Variants in ECT2L observed in about 807,000 individuals in gnomAD.
ECT2L encodes the protein epithelial cell-transforming sequence 2 oncogene-like.
ECT2L carries 126 observed loss-of-function variants against 122.8 expected under a neutral mutation model. The observed-to-expected ratio is 1.03, with a 90% CI of 0.89 to 1.19. ECT2L has a LOEUF of 1.19. Ranked by LOEUF, ECT2L falls within the 50% of genes most tolerant of loss-of-function variation. ECT2L has a pLI of 0.00. For synonymous variants in ECT2L, 385 were observed against 381.8 expected, an observed-to-expected ratio of 1.01 and a Z score of -0.10; for missense variants, 1,012 against 1,064.1, an observed-to-expected ratio of 0.95 and a Z score of 0.68.
chr6:138,871,325 T>C (rs1249172179), intron 13 of ECT2L, among the ~76,000 whole-genome samples: 1 of 152,212 alleles, frequency 6.6e-6, no homozygotes, highest in Non-Finnish European at 1.5e-5. Flanking sequence ...GTAAGAGACT[T>C]GTGAGCACCT....
intron 5 of ECT2L, among the ~76,000 whole-genome samples, chr6:138,842,703 C>A (rs189085542): frequency 6.6e-6 from 1 of 151,968 alleles, no homozygotes; most frequent in Middle Eastern, 3.4e-3. Context: ...ACCCGGGAGG[C>A]GGAGCTTGCA....
chr6:138,882,632 G>A, intron 15 of ECT2L, 92 bp from the exon 16 acceptor site: 1 of 1,470,232 alleles, frequency 6.8e-7, no homozygotes, highest in Non-Finnish European at 9.3e-7. Flanking sequence ...AAAGGACTAG[G>A]GTGAAAATGC....
chr6:138,844,733 T>A (rs1777162523), intron 7 of ECT2L, among the ~76,000 whole-genome samples, 153 bp downstream of exon 7: 1 of 152,052 alleles, frequency 6.6e-6, no homozygotes, highest in Non-Finnish European at 1.5e-5. Flanking sequence ...TCTAGAACAG[T>A]AGTCAAACAT....
In ECT2L at chr6:138,849,572, G is replaced by A. The variant is rs1156714191; in HGVS notation, c.1069+138G>A. 9.5e-6 allele frequency: 7 copies of A among 735,014 alleles called. No individual in the cohort carries two copies. The African/African-American group carries it at 9.5e-5, about 10-fold the overall frequency. The allele number at this position is 735,014 out of a possible 1,614,324, so 45.5% of individuals were successfully genotyped here. On this transcript the variant is annotated intron_variant, in intron 9 of 21. Transcript: ENST00000541398. ...TTTTTGGCTTTATGAAAAAAGCGAA[G>A]CTTTTTTTTTTTTTTTTTAATTCAG...
intron 1 of ECT2L, among the ~76,000 whole-genome samples, chr6:138,803,793 T>C (rs974067994): frequency 2.0e-5 from 3 of 152,198 alleles, no homozygotes; most frequent in African/African-American, 4.8e-5. Flanking sequence ...ATTTCTAAAA[T>C]TGTTCCTAAT....
intron 11 of ECT2L, among the ~76,000 whole-genome samples, 162 bp from the exon 12 acceptor site, chr6:138,864,834 A>G (rs1445987988): frequency 6.6e-6 from 1 of 152,176 alleles, no homozygotes; most frequent in Non-Finnish European, 1.5e-5. Flanking sequence ...TTCTAATTTT[A>G]CCTTTGAAAA....
At chr6:138,841,765 G>A (rs773459930) in intron 5 of ECT2L, among the ~76,000 whole-genome samples, 3 of 152,164 alleles carry the variant, frequency 2.0e-5, no homozygotes, top group Admixed American at 1.3e-4. Context: ...GGTTGAACAA[G>A]TCCTTATTGC....
At position 138,869,225 on chromosome 6, in the gene ECT2L, A is replaced by T. The variant is rs533381163; in HGVS notation, c.1578+1019A>T. On this transcript the variant is annotated intron_variant, in intron 13 of 21. Coordinates refer to ENST00000541398, the MANE Select transcript of ECT2L (RefSeq NM_001077706.3). The stretch of plus-strand genomic sequence containing the variant: ...AGCTCTCCCTCTGAGGGGAGTCGGG[A>T]ATAGAATGGAGATAGGGCTGCTGTT... Among the ~76,000 whole-genome samples the T allele has an allele frequency of 1.5e-4, 23 of 152,340 alleles. No individual in the cohort carries two copies. The South Asian group carries it at 4.6e-3, about 30-fold the overall frequency.
intron 13 of ECT2L, among the ~76,000 whole-genome samples, chr6:138,874,108 T>G (rs374406510): frequency 1.2e-3 from 180 of 152,320 alleles, no homozygotes; most frequent in Admixed American, 2.2e-3. Flanking sequence ...TTCTGGCCCC[T>G]TATCCAGGCA....
At chr6:138,864,518 G>A (rs36003594) in intron 11 of ECT2L, among the ~76,000 whole-genome samples, 17,823 of 152,106 alleles carry the variant, frequency 0.12, 1,406 homozygotes, top group Non-Finnish European at 0.17. Context: ...TTTGTAGAGC[G>A]AGGTAGCAGT....
chr6:138,871,463 C>G (rs1778248586), intron 13 of ECT2L, among the ~76,000 whole-genome samples: 1 of 152,232 alleles, frequency 6.6e-6, no homozygotes, highest in South Asian at 2.1e-4. Context: ...AGCATTCCCT[C>G]TGCCTGCTGC....
chr6:138,816,943 C>T (rs1378408409), intron 4 of ECT2L, among the ~76,000 whole-genome samples: 1 of 152,198 alleles, frequency 6.6e-6, no homozygotes, highest in Non-Finnish European at 1.5e-5. Context: ...TACCCATTAA[C>T]AGTAACTTCT....
chr6:138,896,399 A>G (rs1779214297), intron 20 of ECT2L, among the ~76,000 whole-genome samples: 1 of 152,156 alleles, frequency 6.6e-6, no homozygotes, highest in Non-Finnish European at 1.5e-5. Flanking sequence ...TACTGCCAAA[A>G]AGATACACTG....
chr6:138,848,825 TG>T (rs977467916), intron 8 of ECT2L, among the ~76,000 whole-genome samples: 1 of 152,214 alleles, frequency 6.6e-6, no homozygotes, highest in African/African-American at 2.4e-5. Context: ...ACCTAATTTT[TG>T]TATTTTTTGT....
chr6:138,874,134 G>A (rs983317870), intron 13 of ECT2L, among the ~76,000 whole-genome samples: 1 of 152,078 alleles, frequency 6.6e-6, no homozygotes, highest in South Asian at 2.1e-4. Context: ...GTGTTTGCTG[G>A]CAGAAGCATC....
In ECT2L at chr6:138,879,266, C is replaced by T. The variant is rs1408438127; in HGVS notation, c.1666-1691C>T. ...CACCAAGGAACCATCCTGCCCACCA[C>T]CCTAAAATTAATATGAGCAGTTCTG... On this transcript the variant is annotated intron_variant, in intron 14 of 21. Coordinates refer to ENST00000541398, the MANE Select transcript of ECT2L (RefSeq NM_001077706.3). 8 of 233,598 alleles carry T rather than the reference C, an allele frequency of 3.4e-5. 1 individual carries two copies. The East Asian group carries it at 8.5e-4, about 25-fold the overall frequency. The allele number at this position is 233,598 out of a possible 1,614,324, so 14.5% of individuals were successfully genotyped here.
chr6:138,852,680 C>T (rs1363186195), intron 9 of ECT2L, among the ~76,000 whole-genome samples: 1 of 152,158 alleles, frequency 6.6e-6, no homozygotes, highest in African/African-American at 2.4e-5. Flanking sequence ...TTCTGGTTTT[C>T]CTTGTTTAGC....
rs775754033 is a variant in ECT2L at position 138,882,871 on chromosome 6, G to GT, written c.2028_2028+1insT (p.Cys677LeufsTer16). The GT allele has an allele frequency of 6.3e-7, 1 of 1,595,082 alleles. No homozygotes were observed. Among genetic ancestry groups the GT allele is most frequent in the Non-Finnish European group, 8.5e-7 (1 of 1,173,152 alleles). On this transcript the variant is annotated frameshift_variant and splice_region_variant. Transcript: ENST00000541398. LOFTEE classifies it high-confidence loss of function. ...CTGTCATTCTGAAAACTATTGAGAA[G>GT]GTAAATGAGTTTCAATTCCATCATT...
At chr6:138,853,229 G>C (rs1486085550) in intron 9 of ECT2L, among the ~76,000 whole-genome samples, 1 of 152,178 alleles carries the variant, frequency 6.6e-6, no homozygotes, top group Non-Finnish European at 1.5e-5. Context: ...GCCTCCCAAA[G>C]TGTTGGGATT....
Sources: gnomAD v4.1 joint callset for allele counts (sites outside exome capture counted in the v4.1 genomes callset) on GRCh38, gnomAD v4.1.1 for gene constraint, MANE v1.5 for transcripts, NCBI Gene and HGNC (gene_info 2026-07-23, HGNC 2026-07-21) for gene names.